The following CFHR4 variants were observed in gnomAD, a reference collection of about 807,000 sequenced individuals.
CFHR4 encodes the protein complement factor H-related protein 4.
In CFHR4, 64 loss-of-function variants were observed where a neutral mutation model predicts 69.3. That is an observed-to-expected ratio of 0.92 (90% CI 0.76 to 1.14). CFHR4 has a LOEUF of 1.14. Among genes scored for constraint, CFHR4 ranks in the 50% most tolerant of loss-of-function variants. CFHR4 has a pLI of 0.00. For missense variants in CFHR4, 636 were observed against 684.9 expected (o/e 0.93, Z 0.80); for synonymous variants, 244 against 237.0 (o/e 1.03, Z -0.27).
At chr1:196,910,511 A>G in intron 6 of CFHR4, 33 bp downstream of exon 6, 1 of 1,538,038 alleles carries the variant, frequency 6.5e-7, no homozygotes, top group Non-Finnish European at 9.0e-7. Context: ...ATATGTGCAT[A>G]AAACTTGCAA....
chr1:196,910,011 G>A (rs1658153815), intron 5 of CFHR4, among the ~76,000 whole-genome samples: 1 of 150,568 alleles, frequency 6.6e-6, no homozygotes, highest in Non-Finnish European at 1.5e-5. Flanking sequence ...AATTAGATGG[G>A]CGTGGTGGTG....
At chr1:196,917,596 A>G (rs1006420325) in intron 9 of CFHR4, among the ~76,000 whole-genome samples, 2 of 151,450 alleles carry the variant, frequency 1.3e-5, no homozygotes, top group Admixed American at 6.6e-5. Context: ...TTTAAAATAG[A>G]AAATGAAGAT....
In CFHR4 at chr1:196,902,327, A is replaced by T. The variant is rs369421996; in HGVS notation, c.59-91A>T. 1.5e-5 allele frequency: 14 copies of T among 919,500 alleles called. No homozygotes were observed. The East Asian group carries it at 3.2e-4, about 21-fold the overall frequency. The allele number at this position is 919,500 out of a possible 1,614,324, so 57.0% of individuals were successfully genotyped here. On this transcript the variant is annotated intron_variant, in intron 1 of 9. Transcript: ENST00000608469. ...AAACCCCTAATTCATTACACTAAGA[A>T]GAGAATATAATTTATTGATCAAAAA...
At chr1:196,906,806 C>A in intron 3 of CFHR4, 55 bp from the exon 4 acceptor site, 2 of 1,522,796 alleles carry the variant, frequency 1.3e-6, no homozygotes, top group South Asian at 2.6e-5. Flanking sequence ...CTTTCTTAGT[C>A]GAGTTGTACA....
chr1:196,894,312 T>C lies in CFHR4; in HGVS notation c.58+6104T>C, dbSNP rs928904611. ...TAAACTTCACTGGTCTCTTAAATCA[T>C]ATAGAAAAACAAAAAATGGAGACAA... On this transcript the variant is annotated intron_variant, in intron 1 of 9. Coordinates refer to ENST00000608469, the MANE Select transcript of CFHR4 (RefSeq NM_001201550.3). Among the ~76,000 whole-genome samples, 16 of 151,620 alleles carry C rather than the reference T, an allele frequency of 1.1e-4. 2 individuals are homozygous for C. Among genetic ancestry groups the C allele is most frequent in the African/African-American group, 3.2e-4 (13 of 41,114 alleles).
chr1:196,897,722 CTG>C (rs1254884567), intron 1 of CFHR4, among the ~76,000 whole-genome samples: 1 of 151,320 alleles, frequency 6.6e-6, no homozygotes, highest in Non-Finnish European at 1.5e-5. Flanking sequence ...CCTTGTTCCG[CTG>C]TGATTGTTCA....
intron 1 of CFHR4, among the ~76,000 whole-genome samples, chr1:196,891,342 G>T (rs1558234893): frequency 6.6e-6 from 1 of 151,428 alleles, no homozygotes; most frequent in Non-Finnish European, 1.5e-5. Flanking sequence ...AAATGTAAGA[G>T]TATCTCAGGA....
Position 196,918,370 on chromosome 1 carries a change from T to A in CFHR4, c.1701T>A (p.Cys567Ter), listed in dbSNP as rs1658782261. ...CAGTTCTATCATTTCAAGCAGTGTG[T>A]AGGGAAGGCATAGTGGAATACCCCA... The part of the protein sequence containing the change: ...NTSVLSFQAV[C>*]REGIVEYPRC... The change falls in exon 10 of 10, where the codon TGT becomes TGA. Residue 567 changes from cysteine to a stop codon, truncating the protein, a stop_gained. Transcript: ENST00000608469. LOFTEE classifies it low-confidence loss of function (END_TRUNC). 6.2e-7 allele frequency: 1 copy of A among 1,612,178 alleles called. No homozygotes were observed. Among genetic ancestry groups the A allele is most frequent in the Admixed American group, 1.7e-5 (1 of 59,876 alleles).
intron 2 of CFHR4, among the ~76,000 whole-genome samples, chr1:196,904,431 TTAA>T (rs763357407): frequency 2.6e-5 from 4 of 151,584 alleles, no homozygotes; most frequent in African/African-American, 4.9e-5. Context: ...ATACACATTA[TTAA>T]TAAGTTAGAA....
intron 1 of CFHR4, among the ~76,000 whole-genome samples, chr1:196,888,658 A>T (rs1426457933): frequency 2.0e-5 from 3 of 151,308 alleles, no homozygotes; most frequent in Non-Finnish European, 2.9e-5. Flanking sequence ...ATTTTAAATT[A>T]TGCCATTTCT....
rs563469351 is a variant in CFHR4 at position 196,918,085 on chromosome 1, A to C, written c.1541-125A>C. On this transcript the variant is annotated intron_variant, in intron 9 of 9. Transcript: ENST00000608469. Reference sequence around the variant, plus strand: ...TAAAGTCAGTATGTAGCACAAATTAATAACTATTAACTATTTGGATTATTT... The same window carrying C: ...TAAAGTCAGTATGTAGCACAAATTACTAACTATTAACTATTTGGATTATTT... The C allele has an allele frequency of 8.8e-5, 94 of 1,064,116 alleles. 1 individual carries two copies. The African/African-American group carries it at 1.4e-3, about 16-fold the overall frequency. The allele number at this position is 1,064,116 out of a possible 1,614,324, so 65.9% of individuals were successfully genotyped here.
intron 6 of CFHR4, among the ~76,000 whole-genome samples, chr1:196,910,875 C>T (rs1409153): frequency 0.72 from 108,222 of 151,048 alleles, 40,779 homozygotes; most frequent in East Asian, 0.94. Flanking sequence ...AATTCATGTT[C>T]CTAATCTACC....
rs534289833 is a variant in CFHR4, at chr1:196,908,180, G to C, written c.799+682G>C. ...TCACAGGATGGGGAGCTAGGGGAGG[G>C]ATAGCATTAAGAGAAACACCTAATG... is the stretch of plus-strand genomic sequence containing the variant. On this transcript the variant is annotated intron_variant, in intron 5 of 9. Coordinates refer to ENST00000608469, the MANE Select transcript of CFHR4 (RefSeq NM_001201550.3). 3.0e-4 allele frequency among the ~76,000 whole-genome samples: 46 copies of C among 151,418 alleles called. 2 individuals are homozygous for C. The highest frequency in any genetic ancestry group is 1.1e-3 in the African/African-American group (45 of 41,082).
At chr1:196,904,604 C>T (rs558533135) in intron 2 of CFHR4, among the ~76,000 whole-genome samples, 1 of 151,590 alleles carries the variant, frequency 6.6e-6, no homozygotes, top group Non-Finnish European at 1.5e-5. Context: ...TTCCACATTT[C>T]TCTCAAACAC....
rs12758173 is a variant in CFHR4 at position 196,918,555 on chromosome 1, G to A, written c.*149G>A. 455 of 801,980 alleles carry A rather than the reference G, an allele frequency of 5.7e-4. 15 individuals are homozygous for A. In the African/African-American group the frequency reaches 7.1e-3, roughly 13 times the overall value. The allele number at this position is 801,980 out of a possible 1,614,324, so 49.7% of individuals were successfully genotyped here. On this transcript the variant is annotated 3_prime_UTR_variant, in exon 10 of 10. Transcript: ENST00000608469. ...ATAGTTTCAATTTGCAACTTAATAT[G>A]TTCTCAAAAATATGTTAAAACAAAC...
intron 9 of CFHR4, among the ~76,000 whole-genome samples, chr1:196,917,214 G>A (rs1658691573): frequency 6.6e-6 from 1 of 151,802 alleles, no homozygotes; most frequent in South Asian, 2.1e-4. Context: ...AAACTAGAAT[G>A]CAGAATACTT....
At chr1:196,900,452 A>G (rs1657543411) in intron 1 of CFHR4, among the ~76,000 whole-genome samples, 1 of 150,930 alleles carries the variant, frequency 6.6e-6, no homozygotes, top group Non-Finnish European at 1.5e-5. Context: ...GCTACTTTTA[A>G]TTATACTTCC....
chr1:196,902,964 T>C (rs949805166), intron 2 of CFHR4, among the ~76,000 whole-genome samples: 1 of 151,546 alleles, frequency 6.6e-6, no homozygotes, highest in Non-Finnish European at 1.5e-5. Flanking sequence ...TATTTAAATG[T>C]TCCAAAAATT....
At chr1:196,901,366 A>G (rs904757596) in intron 1 of CFHR4, among the ~76,000 whole-genome samples, 6 of 151,454 alleles carry the variant, frequency 4.0e-5, no homozygotes, top group African/African-American at 1.5e-4. Context: ...TAAGAGATGC[A>G]AGAATTCAAC....
Sources: allele counts gnomAD v4.1 joint callset (sites outside exome capture counted in the v4.1 genomes callset), GRCh38; gene constraint gnomAD v4.1.1; transcripts MANE v1.5; gene names NCBI Gene and HGNC (gene_info 2026-07-23, HGNC 2026-07-21).